CDC37: variants seen among roughly 807,000 people sequenced by gnomAD.
CDC37 encodes hsp90 co-chaperone Cdc37.
CDC37 carries 9 observed loss-of-function variants against 46.9 expected under a neutral mutation model. That is an observed-to-expected ratio of 0.19 (90% CI 0.12 to 0.33). The LOEUF (loss-of-function observed/expected upper bound fraction) is 0.33, where lower values mean the gene tolerates loss of function less well. CDC37 is among the 10% of genes least tolerant of loss of function. The probability of loss-of-function intolerance (pLI) is 1.00; values close to 1 mark genes in which losing one functional copy is unlikely to be tolerated. For synonymous variants in CDC37, 193 were observed against 191.0 expected (o/e 1.01, Z -0.09); for missense variants, 388 against 514.6 (o/e 0.75, Z 2.38).
intron 1 of CDC37, among the ~76,000 whole-genome samples, chr19:10,397,998 C>T (rs139382936): frequency 6.6e-6 from 1 of 152,286 alleles, no homozygotes; most frequent in East Asian, 1.9e-4. Flanking sequence ...GTGGCTCCAC[C>T]ATCACCTCTC....
rs1043504802 is a variant in CDC37 at position 10,393,633 on chromosome 19, C to T, written c.727-192G>A. On this transcript the variant is annotated intron_variant, in intron 5 of 7. Transcript: ENST00000222005. This position sits in a 1 kb window ranked among gnomAD's most constrained non-coding sequence, Gnocchi z 4.9. Reference sequence around the variant, plus strand: ...CTCATCTGGCATTTGCCAAAGACCACCTGCTTGGGAGCCCTGCTCTACTGC... The same window carrying T: ...CTCATCTGGCATTTGCCAAAGACCATCTGCTTGGGAGCCCTGCTCTACTGC... 4 of 585,046 alleles carry T rather than the reference C, an allele frequency of 6.8e-6. No homozygotes were observed. The highest frequency in any genetic ancestry group is 1.2e-5 in the Non-Finnish European group (4 of 337,832). The allele number at this position is 585,046 out of a possible 1,614,324, so 36.2% of individuals were successfully genotyped here. A position where few individuals can be genotyped will look rare whatever the true frequency, so the allele number is the denominator to read the frequency against.
chr19:10,392,112 A>T (rs1426055117), intron 7 of CDC37, among the ~76,000 whole-genome samples: 1 of 152,152 alleles, frequency 6.6e-6, no homozygotes, highest in Non-Finnish European at 1.5e-5. Context: ...GGAAATTTAA[A>T]TTTTATTTAA....
Position 10,398,218 on chromosome 19 carries a change from G to C in CDC37, c.103-2015C>G, listed in dbSNP as rs1348862244. Among the ~76,000 whole-genome samples, 1 of 152,174 alleles carries C rather than the reference G, an allele frequency of 6.6e-6. No homozygotes were observed. The highest frequency in any genetic ancestry group is 1.9e-4 in the East Asian group (1 of 5,192). On this transcript the variant is annotated intron_variant, in intron 1 of 7. Coordinates refer to ENST00000222005, the MANE Select transcript of CDC37 (RefSeq NM_007065.4). This position sits in a 1 kb window ranked among gnomAD's most constrained non-coding sequence, Gnocchi z 4.2. ...AATTCAGATGGGACTTCTGATCCTG[G>C]CATCCTGGTCCTGGGTCCCAGGCAG...
intron 7 of CDC37, among the ~76,000 whole-genome samples, chr19:10,391,946 C>T (rs918849461): frequency 5.9e-5 from 9 of 152,086 alleles, no homozygotes; most frequent in African/African-American, 1.9e-4. Flanking sequence ...CTGGGGTTAC[C>T]GACGCCTGTC....
Position 10,393,596 on chromosome 19 carries a change from C to T in CDC37, c.727-155G>A, listed in dbSNP as rs1358155517. 9.6e-6 allele frequency: 7 copies of T among 726,234 alleles called. No homozygotes were observed. Among genetic ancestry groups the T allele is most frequent in the Non-Finnish European group, 1.5e-5 (7 of 464,824 alleles). 45.0% of individuals were successfully genotyped at this position (726,234 alleles called of 1,614,324 possible). On this transcript the variant is annotated intron_variant, in intron 5 of 7. Coordinates refer to ENST00000222005, the MANE Select transcript of CDC37 (RefSeq NM_007065.4). The surrounding 1 kb of genome is among the most constrained non-coding windows in gnomAD (Gnocchi z 4.9). ...AAGGGCTCCCCAAGGCCTGGGCTCC[C>T]CCGCCGGGGACCTCATCTGGCATTT...
In CDC37 at chr19:10,393,407, T is replaced by C. The variant is rs1409808851; in HGVS notation, c.761A>G (p.Asp254Gly). 1 of 1,613,654 alleles carries C rather than the reference T, an allele frequency of 6.2e-7. No homozygotes were observed. Among genetic ancestry groups the C allele is most frequent in the East Asian group, 2.2e-5 (1 of 44,876 alleles). The part of the protein sequence containing the change: ...ADRQYMEGFN[D>G]ELEAFKERVR... ...ACGCTCCTTGAAGGCTTCCAGCTCGTCGTTGAAGCCCTCCATGTACTGGCG... is the reference window on the plus strand; with the variant it reads ...ACGCTCCTTGAAGGCTTCCAGCTCGCCGTTGAAGCCCTCCATGTACTGGCG... The change falls in exon 6 of 8, where the codon GAC becomes GGC. Residue 254 changes from aspartate to glycine, a missense_variant. By Grantham distance (94) the Asp-to-Gly change is moderately conservative. This residue lies in a region of CDC37 where 374 missense variants were observed against 467.4 expected (regional missense o/e 0.80). Coordinates refer to ENST00000222005, the MANE Select transcript of CDC37 (RefSeq NM_007065.4). The surrounding 1 kb of genome is among the most constrained non-coding windows in gnomAD (Gnocchi z 4.9).
In CDC37 at chr19:10,396,039, C is replaced by A; in HGVS notation, c.267G>T (p.Gln89His). ...AELERLQAEA[Q>H]QLRKEERSWE... ...AGCTCCGCTCCTCCTTGCGCAGCTG[C>A]TGTGCCTCGGCCTGCAGGCGCTCCA... Residue 89 changes from glutamine to histidine, a missense_variant, in exon 2 of 8, where the codon CAG (glutamine) becomes CAT (histidine). Transcript: ENST00000222005. The surrounding 1 kb of genome is among the most constrained non-coding windows in gnomAD (Gnocchi z 5.9). The A allele has an allele frequency of 3.1e-6, 5 of 1,614,032 alleles. No homozygotes were observed. In the South Asian group the frequency reaches 5.5e-5, roughly 18 times the overall value.
At chr19:10,395,620 C>G in intron 2 of CDC37, 77 bp from the exon 3 acceptor site, 4 of 1,152,914 alleles carry the variant, frequency 3.5e-6, no homozygotes, top group African/African-American at 1.5e-5. Context: ...GGGCCGTGGT[C>G]GCAGCGCCCA....
chr19:10,391,718 A>C lies in CDC37; in HGVS notation c.982-12T>G, dbSNP rs1568353297. ...TGGTACTTTGCGTCCTGTGAGGAGA[A>C]GGCAGGCAGATGAGGTGGGGCCGCC... is the stretch of plus-strand genomic sequence containing the variant. On this transcript the variant is annotated splice_polypyrimidine_tract_variant and intron_variant, in intron 7 of 7. Transcript: ENST00000222005. The C allele has an allele frequency of 6.2e-7, 1 of 1,609,244 alleles. No homozygotes were observed. The highest frequency in any genetic ancestry group is 2.2e-5 in the East Asian group (1 of 44,780).
chr19:10,399,732 C>T (rs1332071608), intron 1 of CDC37, among the ~76,000 whole-genome samples: 2 of 151,410 alleles, frequency 1.3e-5, no homozygotes, highest in Non-Finnish European at 2.9e-5. Context: ...GAGTTCGGGA[C>T]CAGCCTGGCC....
In CDC37 at chr19:10,396,837, T is replaced by A. The variant is rs1024550474; in HGVS notation, c.103-634A>T. ...CTTCCCTCTCGGCCTCCCAAAGTGC[T>A]GGGACTACAGGCGGGAGCTACTGCA... On this transcript the variant is annotated intron_variant, in intron 1 of 7. Coordinates refer to ENST00000222005, the MANE Select transcript of CDC37 (RefSeq NM_007065.4). This position sits in a 1 kb window ranked among gnomAD's most constrained non-coding sequence, Gnocchi z 5.9. Among the ~76,000 whole-genome samples, 2 of 152,216 alleles carry A rather than the reference T, an allele frequency of 1.3e-5. No homozygotes were observed. Among genetic ancestry groups the A allele is most frequent in the Non-Finnish European group, 2.9e-5 (2 of 68,032 alleles).
At chr19:10,392,933 T>C (rs2042465493) in intron 7 of CDC37, 153 bp downstream of exon 7, 1 of 665,500 alleles carries the variant, frequency 1.5e-6, no homozygotes, top group Non-Finnish European at 2.7e-6. Flanking sequence ...GTGCTCAATA[T>C]ATGTGGGTGT....
At chr19:10,395,385 C>A (rs931156064) in intron 3 of CDC37, 42 bp from the exon 4 acceptor site, 1 of 1,603,346 alleles carries the variant, frequency 6.2e-7, no homozygotes, top group South Asian at 1.1e-5. Flanking sequence ...GCCCTGGAGG[C>A]AAAGGGCCTG....
chr19:10,397,950 C>T (rs1279598186), intron 1 of CDC37, among the ~76,000 whole-genome samples: 4 of 152,132 alleles, frequency 2.6e-5, no homozygotes, highest in African/African-American at 9.7e-5. Context: ...TCCATCTGGG[C>T]CCCATCGGAT....
chr19:10,399,825 G>T (rs959004391), intron 1 of CDC37, among the ~76,000 whole-genome samples: 2 of 150,988 alleles, frequency 1.3e-5, no homozygotes, highest in Non-Finnish European at 1.5e-5. Flanking sequence ...CCAGCTACTC[G>T]GGAGGCTGAG....
chr19:10,401,380 G>A (rs28382775), intron 1 of CDC37, among the ~76,000 whole-genome samples: 13 of 152,248 alleles, frequency 8.5e-5, no homozygotes, highest in Admixed American at 8.5e-4. Flanking sequence ...GGTTCTCAGC[G>A]GCAGGACAGG....
rs1225791853 is a variant in CDC37 at position 10,393,226 on chromosome 19, T to C, written c.909+33A>G. ...GCCCTGGGGGGTCCCGCTCAGGGTC[T>C]TCCTGCTGCCCGCCTGGGCCGGGGA... On this transcript the variant is annotated intron_variant, in intron 6 of 7. Transcript: ENST00000222005. The surrounding 1 kb of genome is among the most constrained non-coding windows in gnomAD (Gnocchi z 4.9). 6.2e-7 allele frequency: 1 copy of C among 1,612,908 alleles called. No individual in the cohort carries two copies.
At chr19:10,394,684 A>G (rs916657598) in intron 5 of CDC37, among the ~76,000 whole-genome samples, 1 of 151,824 alleles carries the variant, frequency 6.6e-6, no homozygotes, top group African/African-American at 2.4e-5. Flanking sequence ...TTACAGGCAC[A>G]CACCACCATG....
chr19:10,395,867 G>A, intron 2 of CDC37, 61 bp downstream of exon 2: 1 of 1,571,212 alleles, frequency 6.4e-7, no homozygotes, highest in East Asian at 2.2e-5. Context: ...GTGCGCATGC[G>A]TCCTGGTTGC....
Sources: gnomAD v4.1 joint callset for allele counts (sites outside exome capture counted in the v4.1 genomes callset) on GRCh38, gnomAD v4.1.1 for gene constraint, gnomAD v4.1.1 regional missense constraint, Gnocchi (gnomAD v3.1) non-coding constraint, MANE v1.5 for transcripts, NCBI Gene and HGNC (gene_info 2026-07-23, HGNC 2026-07-21) for gene names.